FBXL18: variants seen among roughly 807,000 people sequenced by gnomAD.
FBXL18 encodes the protein F-box and leucine rich repeat protein 18.
FBXL18 carries 36 observed loss-of-function variants against 46.0 expected under a neutral mutation model. The observed-to-expected ratio is 0.78, with a 90% CI of 0.60 to 1.03. The LOEUF (loss-of-function observed/expected upper bound fraction) is 1.03. Among genes scored for constraint, FBXL18 ranks in the 50% least tolerant of loss-of-function variants. The probability of loss-of-function intolerance (pLI) is 0.00; values close to 1 mark genes in which losing one functional copy is unlikely to be tolerated. For synonymous variants in FBXL18, 557 were observed against 465.3 expected, an observed-to-expected ratio of 1.20 and a Z score of -2.54; for missense variants, 977 against 1,004.1, an observed-to-expected ratio of 0.97 and a Z score of 0.36.
At chr7:5,493,756 C>A (rs1373348338) in intron 3 of FBXL18, among the ~76,000 whole-genome samples, 1 of 150,600 alleles carries the variant, frequency 6.6e-6, no homozygotes, top group African/African-American at 2.4e-5. Context: ...CTCAAGCAAT[C>A]CTCCTGCCTC....
rs566263657 is a variant in FBXL18 at position 5,497,600 on chromosome 7, G to A, written c.1781+2888C>T. Among the ~76,000 whole-genome samples, 8 of 152,326 alleles carry A rather than the reference G, an allele frequency of 5.3e-5. No individual in the cohort carries two copies. The East Asian group carries it at 1.5e-3, about 29-fold the overall frequency. On this transcript the variant is annotated intron_variant, in intron 3 of 4. Transcript: ENST00000382368. ...GGGGACTCCAGGGTGTGAGCCTCCA[G>A]CTCGGCTGCTCCCGAGCAGACCCGG...
intron 4 of FBXL18, among the ~76,000 whole-genome samples, chr7:5,482,499 C>A (rs1783674147): frequency 6.6e-6 from 1 of 151,172 alleles, no homozygotes; most frequent in South Asian, 2.1e-4. Flanking sequence ...AGGCGACCCC[C>A]CCCCAATGCC....
chr7:5,464,259 A>C (rs922542474), intron 4 of FBXL18, among the ~76,000 whole-genome samples: 1 of 151,934 alleles, frequency 6.6e-6, no homozygotes, highest in Non-Finnish European at 1.5e-5. Context: ...CAGGCGGATC[A>C]CCTGAGGTCA....
Position 5,481,518 on chromosome 7 carries a change from G to A in FBXL18, c.*257C>T, listed in dbSNP as rs1393837224. ...CAGCCAGGCCCCAAGGGTCAGCCTG[G>A]TTCAGCCAGCCCCCCACATCGACCG... On this transcript the variant is annotated 3_prime_UTR_variant, in exon 5 of 5. Coordinates refer to ENST00000382368, the MANE Select transcript of FBXL18 (RefSeq NM_024963.6). The A allele has an allele frequency of 4.5e-6, 2 of 441,690 alleles. No individual in the cohort carries two copies. The highest frequency in any genetic ancestry group is 8.2e-6 in the Non-Finnish European group (2 of 242,802). The allele number at this position is 441,690 out of a possible 1,614,324, so 27.4% of individuals were successfully genotyped here.
chr7:5,493,155 T>C (rs1411865269), intron 3 of FBXL18, among the ~76,000 whole-genome samples: 1 of 152,066 alleles, frequency 6.6e-6, no homozygotes, highest in Non-Finnish European at 1.5e-5. Context: ...GGCGACATAG[T>C]GAGAGCCCAG....
chr7:5,505,523 G>T lies in FBXL18; in HGVS notation c.126C>A (p.His42Gln), dbSNP rs367688784. 45 of 1,614,178 alleles carry T rather than the reference G, an allele frequency of 2.8e-5. No homozygotes were observed. Among genetic ancestry groups the T allele is most frequent in the Non-Finnish European group, 3.4e-5 (40 of 1,180,018 alleles). The change falls in exon 2 of 5, where the codon CAC becomes CAA. Residue 42 changes from histidine to glutamine, a missense_variant. Coordinates refer to ENST00000382368, the MANE Select transcript of FBXL18 (RefSeq NM_024963.6). ...SDEILLHILS[H>Q]VPSTDLILNV... ...TCAGAATCAGATCTGTGCTGGGGAC[G>T]TGACTCAGGATGTGAAGGAGGATCT...
intron 1 of FBXL18, 62 bp from the exon 2 acceptor site, chr7:5,505,692 C>T (rs778920193): frequency 5.7e-6 from 8 of 1,401,392 alleles, no homozygotes; most frequent in African/African-American, 2.8e-5. Flanking sequence ...GCCTAGCCTG[C>T]AGCTAGGCAG....
chr7:5,495,975 A>C, intron 3 of FBXL18: 1 of 441,024 alleles, frequency 2.3e-6, no homozygotes, highest in Non-Finnish European at 4.8e-6. Flanking sequence ...GGCCCACAAA[A>C]CCCACAAAAC....
chr7:5,464,244 C>T (rs1405598019), intron 4 of FBXL18, among the ~76,000 whole-genome samples: 1 of 151,696 alleles, frequency 6.6e-6, no homozygotes. Flanking sequence ...TTTGGGAGGC[C>T]GAGGCAGGCG....
chr7:5,474,739 G>A (rs572482018), downstream of FBXL18, among the ~76,000 whole-genome samples: 536 of 145,600 alleles, frequency 3.7e-3, no homozygotes, highest in Middle Eastern at 7.3e-3. Flanking sequence ...ACAGAGTCTC[G>A]CTCTGTCACC....
rs541392441 is a variant in FBXL18 at position 5,455,207 on chromosome 7, G to A, written c.2001-7364C>T. Among the ~76,000 whole-genome samples the A allele has an allele frequency of 6.6e-6, 1 of 152,222 alleles. No individual in the cohort carries two copies. Among genetic ancestry groups the A allele is most frequent in the African/African-American group, 2.4e-5 (1 of 41,550 alleles). On this transcript the variant is annotated intron_variant and NMD_transcript_variant, in intron 4 of 6. Transcript: ENST00000415009. This position sits in a 1 kb window ranked among gnomAD's most constrained non-coding sequence, Gnocchi z 4.6. Reference sequence around the variant, plus strand: ...GAGCACTCTCAGAGGAGCACTCCAAGGAGTACTCTTTGGGAGCATATCTGG... The same window carrying A: ...GAGCACTCTCAGAGGAGCACTCCAAAGAGTACTCTTTGGGAGCATATCTGG...
Position 5,501,517 on chromosome 7 carries a change from AG to A in FBXL18, c.751del (p.Leu251TrpfsTer52). ...AGGAGTGCGGTCGCTAAGCACAGCCAGGTAGAGCCGCACCACCTCCTGGTTG... is the reference window on the plus strand; with the variant it reads ...AGGAGTGCGGTCGCTAAGCACAGCCAGTAGAGCCGCACCACCTCCTGGTTG... ...YINQEVVRLY[L>X]AVLSDRTPQN... is the part of the protein sequence containing the mutation. On this transcript the variant is annotated frameshift_variant, in exon 3 of 5. Coordinates refer to ENST00000382368, the MANE Select transcript of FBXL18 (RefSeq NM_024963.6). LOFTEE classifies it high-confidence loss of function. The A allele has an allele frequency of 6.2e-7, 1 of 1,613,922 alleles. No homozygotes were observed. Among genetic ancestry groups the A allele is most frequent in the South Asian group, 1.1e-5 (1 of 91,082 alleles).
intron 4 of FBXL18, among the ~76,000 whole-genome samples, chr7:5,460,535 C>A (rs1174742446): frequency 2.6e-5 from 4 of 152,216 alleles, no homozygotes; most frequent in Admixed American, 6.5e-5. Context: ...CTCACCGCAA[C>A]CTCTGCCTTC....
chr7:5,500,460 G>A, intron 3 of FBXL18, 28 bp downstream of exon 3: 1 of 1,553,716 alleles, frequency 6.4e-7, no homozygotes, highest in Non-Finnish European at 8.7e-7. Context: ...TCCAGCAGAG[G>A]CCCGAGAGGT....
At position 5,455,345 on chromosome 7, in the gene FBXL18, T is replaced by C. The variant is rs990862626; in HGVS notation, c.2001-7502A>G. ...CTCAAGGAGCACTCAGGGCACATACTTGAACATTCTCAGGCCACATACTTG... is the reference window on the plus strand; with the variant it reads ...CTCAAGGAGCACTCAGGGCACATACCTGAACATTCTCAGGCCACATACTTG... On this transcript the variant is annotated intron_variant and NMD_transcript_variant, in intron 4 of 6. Coordinates refer to the FBXL18 transcript ENST00000415009. The surrounding 1 kb of genome is among the most constrained non-coding windows in gnomAD (Gnocchi z 4.6). 1.3e-5 allele frequency among the ~76,000 whole-genome samples: 2 copies of C among 151,934 alleles called. No individual in the cohort carries two copies. The highest frequency in any genetic ancestry group is 4.8e-5 in the African/African-American group (2 of 41,354).
chr7:5,481,883 G>C lies in FBXL18; in HGVS notation c.2049C>G (p.Leu683=), dbSNP rs375249753. 6.2e-7 allele frequency: 1 copy of C among 1,613,354 alleles called. No homozygotes were observed. Among genetic ancestry groups the C allele is most frequent in the African/African-American group, 1.3e-5 (1 of 74,916 alleles). ...PALNVVIFPL[L]HEGLTDVIRD... ...GGATGACGTCGGTCAGGCCCTCGTG[G>C]AGCAGAGGGAAGATGACGACGTTTA... Residue 683 remains leucine (L), a synonymous_variant, in exon 5 of 5, where the codon CTC becomes CTG. Transcript: ENST00000382368.
At position 5,462,995 on chromosome 7, in the gene FBXL18, T is replaced by A. The variant is rs1358173422; in HGVS notation, c.2001-15152A>T. Among the ~76,000 whole-genome samples, 268 of 31,782 alleles carry A rather than the reference T, an allele frequency of 8.4e-3. 14 individuals are homozygous for A. The highest frequency in any genetic ancestry group is 0.02 in the African/African-American group (228 of 11,592). 20.9% of individuals were successfully genotyped at this position (31,782 alleles called of 152,430 possible). A position where few individuals can be genotyped will look rare whatever the true frequency, so the allele number is the denominator to read the frequency against. ...ATATATATATATATATATATATATA[T>A]AATATATATACACACACACATGCAT... On this transcript the variant is annotated intron_variant and NMD_transcript_variant, in intron 4 of 6. Transcript: ENST00000415009.
In FBXL18 at chr7:5,500,961, GGGCGCGCGGTC is replaced by G; in HGVS notation, c.1297_1307del (p.Asp433ArgfsTer265). The stretch of plus-strand genomic sequence containing the variant: ...GCACTGCGTGCATGGCCGGCTGGGC[GGGCGCGCGGTC>G]GGCGCGCGGCGCGGAGTCAGCGACA... On this transcript the variant is annotated frameshift_variant, in exon 3 of 5. Coordinates refer to ENST00000382368, the MANE Select transcript of FBXL18 (RefSeq NM_024963.6). LOFTEE classifies it high-confidence loss of function. The G allele has an allele frequency of 4.6e-6, 7 of 1,535,168 alleles. No individual in the cohort carries two copies. Among genetic ancestry groups the G allele is most frequent in the Non-Finnish European group, 6.1e-6 (7 of 1,146,634 alleles).
intron 4 of FBXL18, among the ~76,000 whole-genome samples, chr7:5,486,101 A>AT (rs1783768872): frequency 2.1e-5 from 3 of 141,748 alleles, no homozygotes; most frequent in African/African-American, 7.9e-5. Context: ...AAATAAATAA[A>AT]AATTTAGCTG....
Sources: gnomAD v4.1 joint callset for allele counts (sites outside exome capture counted in the v4.1 genomes callset) on GRCh38, gnomAD v4.1.1 for gene constraint, Gnocchi (gnomAD v3.1) non-coding constraint, MANE v1.5 for transcripts, NCBI Gene and HGNC (gene_info 2026-07-23, HGNC 2026-07-21) for gene names.